The following C1QTNF3 variants were observed in gnomAD, a reference collection of about 807,000 sequenced individuals.
C1QTNF3 encodes complement C1q tumor necrosis factor-related protein 3.
Under a neutral mutation model 32.6 loss-of-function variants are expected in C1QTNF3, and 26 were observed. The observed-to-expected ratio is 0.80, with a 90% CI of 0.58 to 1.11. C1QTNF3 has a LOEUF of 1.11. C1QTNF3 is among the 50% of genes least tolerant of loss of function. The probability of loss-of-function intolerance (pLI) is 0.00; values close to 1 mark genes in which losing one functional copy is unlikely to be tolerated. For missense variants in C1QTNF3, 362 were observed against 398.2 expected (o/e 0.91, Z 0.77); for synonymous variants, 155 against 146.0 (o/e 1.06, Z -0.44).
the C1QTNF3 span, among the ~76,000 whole-genome samples, chr5:34,063,626 G>C: frequency 3.2e-3 from 481 of 152,244 alleles, 6 homozygotes; most frequent in African/African-American, 0.011. Flanking sequence ...GGCAAGGGTG[G>C]TGGGGAACAG....
chr5:34,179,552 C>T, the C1QTNF3 span, among the ~76,000 whole-genome samples: 21 of 152,260 alleles, frequency 1.4e-4, no homozygotes, highest in African/African-American at 5.1e-4. Context: ...AAGCACAGAG[C>T]CGCTGCTTTC....
chr5:34,060,737 T>C, the C1QTNF3 span, among the ~76,000 whole-genome samples: 1 of 152,160 alleles, frequency 6.6e-6, no homozygotes, highest in African/African-American at 2.4e-5. Context: ...ATCATGAGAA[T>C]GGCATGGGGA....
At chr5:34,053,102 G>A in the C1QTNF3 span, among the ~76,000 whole-genome samples, 1 of 152,144 alleles carries the variant, frequency 6.6e-6, no homozygotes, top group Non-Finnish European at 1.5e-5. Flanking sequence ...AAGGAATAAA[G>A]CTGTATAAAT....
At chr5:34,094,404 T>G in the C1QTNF3 span, among the ~76,000 whole-genome samples, 1 of 152,134 alleles carries the variant, frequency 6.6e-6, no homozygotes, top group African/African-American at 2.4e-5. Context: ...CTGAATAGAA[T>G]GTCTTTGTAC....
intron 1 of C1QTNF3, among the ~76,000 whole-genome samples, chr5:34,036,492 G>C (rs1754743330): frequency 6.6e-6 from 1 of 152,088 alleles, no homozygotes; most frequent in Non-Finnish European, 1.5e-5. Flanking sequence ...TTTGTAGAGA[G>C]AGCACTTAAA....
At chr5:34,154,735 TAAAG>T in the C1QTNF3 span, among the ~76,000 whole-genome samples, 23 of 152,200 alleles carry the variant, frequency 1.5e-4, no homozygotes, top group East Asian at 3.3e-3. Flanking sequence ...TAGGACATGA[TAAAG>T]AGAGAGAGAG....
chr5:34,170,823 G>T, the C1QTNF3 span, among the ~76,000 whole-genome samples: 1 of 152,048 alleles, frequency 6.6e-6, no homozygotes, highest in Non-Finnish European at 1.5e-5. Flanking sequence ...ACATCAATGT[G>T]TTCAAAAACC....
chr5:34,144,980 T>C, the C1QTNF3 span, among the ~76,000 whole-genome samples: 1 of 151,804 alleles, frequency 6.6e-6, no homozygotes, highest in Non-Finnish European at 1.5e-5. Context: ...ACACAAACAA[T>C]TAGCCAGGCG....
chr5:34,210,510 ATT>A, the C1QTNF3 span, among the ~76,000 whole-genome samples: 4 of 145,202 alleles, frequency 2.8e-5, no homozygotes, highest in African/African-American at 2.5e-5. Context: ...TGCTCACATA[ATT>A]TTTTTTTTTT....
chr5:34,036,271 T>C lies in C1QTNF3; in HGVS notation c.304-513A>G, dbSNP rs373247927. 4.1e-4 allele frequency among the ~76,000 whole-genome samples: 63 copies of C among 152,328 alleles called. No individual in the cohort carries two copies. The East Asian group carries it at 0.011, about 26-fold the overall frequency. ...TCTTAGAAATTCTGAATAGTAACACTAGTTTTTCAAACAGCCATAGCACAC... is the reference window on the plus strand; with the variant it reads ...TCTTAGAAATTCTGAATAGTAACACCAGTTTTTCAAACAGCCATAGCACAC... On this transcript the variant is annotated intron_variant, in intron 1 of 5. Coordinates refer to ENST00000382065, the MANE Select transcript of C1QTNF3 (RefSeq NM_181435.6).
At chr5:34,142,634 T>C in the C1QTNF3 span, among the ~76,000 whole-genome samples, 2 of 152,326 alleles carry the variant, frequency 1.3e-5, no homozygotes, top group South Asian at 2.1e-4. Flanking sequence ...CTCTTACGTG[T>C]CATTTAGTGG....
upstream of C1QTNF3, chr5:34,043,287 G>A: frequency 4.5e-6 from 3 of 673,034 alleles, no homozygotes; most frequent in Admixed American, 3.0e-5. Flanking sequence ...CAGAGTGACA[G>A]CAGCCCTCCT....
At chr5:34,136,982 C>T in the C1QTNF3 span, among the ~76,000 whole-genome samples, 5 of 151,696 alleles carry the variant, frequency 3.3e-5, no homozygotes, top group East Asian at 2.0e-4. Flanking sequence ...GAACATCATA[C>T]ACCAGGTCCT....
intron 1 of C1QTNF3, among the ~76,000 whole-genome samples, chr5:34,041,768 C>T (rs80065076): frequency 1.8e-3 from 277 of 152,080 alleles, no homozygotes; most frequent in African/African-American, 6.4e-3. Flanking sequence ...GTTAGAAGTT[C>T]TGGGTTAGTT....
At chr5:34,213,748 T>A in the C1QTNF3 span, among the ~76,000 whole-genome samples, 1 of 119,348 alleles carries the variant, frequency 8.4e-6, no homozygotes, top group Admixed American at 9.2e-5. Flanking sequence ...ATAGTGTGTG[T>A]ATATATATAT....
the C1QTNF3 span, among the ~76,000 whole-genome samples, chr5:34,209,058 C>T: frequency 2.3e-4 from 35 of 152,156 alleles, no homozygotes; most frequent in Non-Finnish European, 3.1e-4. Context: ...TCCTATAATA[C>T]GAGGCTAGAG....
chr5:34,128,570 C>T, the C1QTNF3 span, among the ~76,000 whole-genome samples: 1 of 152,182 alleles, frequency 6.6e-6, no homozygotes, highest in African/African-American at 2.4e-5. Flanking sequence ...TGCCTAAGGC[C>T]TTGAGAGCCC....
chr5:34,135,599 G>A, the C1QTNF3 span, among the ~76,000 whole-genome samples: 2 of 151,490 alleles, frequency 1.3e-5, no homozygotes, highest in Admixed American at 6.6e-5. Flanking sequence ...TTCTTCACAG[G>A]ATTGGAAAAA....
the C1QTNF3 span, among the ~76,000 whole-genome samples, chr5:34,112,113 T>C: frequency 3.9e-5 from 6 of 152,222 alleles, no homozygotes; most frequent in African/African-American, 1.2e-4. Flanking sequence ...AGATGATCAT[T>C]GTTTCCCTAT....
Sources: gnomAD v4.1 joint callset for allele counts (sites outside exome capture counted in the v4.1 genomes callset) on GRCh38, gnomAD v4.1.1 for gene constraint, MANE v1.5 for transcripts, NCBI Gene and HGNC (gene_info 2026-07-23, HGNC 2026-07-21) for gene names.